Variants in PRKCA observed in about 807,000 individuals in gnomAD.
The protein encoded by PRKCA is protein kinase C alpha, also known as protein kinase C alpha type.
Under a neutral mutation model 87.0 loss-of-function variants are expected in PRKCA, and 27 were observed. That is an observed-to-expected ratio of 0.31 (90% CI 0.23 to 0.43). The LOEUF is 0.43. Ranked by LOEUF, PRKCA falls within the 20% of genes least tolerant of loss-of-function variation. The pLI is 1.00. For missense variants in PRKCA, 518 were observed against 852.3 expected (o/e 0.61, Z 4.88); for synonymous variants, 329 against 311.1 (o/e 1.06, Z -0.61).
chr17:66,652,615 A>G (rs1971617450), intron 5 of PRKCA, among the ~76,000 whole-genome samples: 2 of 152,160 alleles, frequency 1.3e-5, no homozygotes, highest in South Asian at 4.1e-4. Context: ...AGGCAAGAGC[A>G]CCTGTGGCGG....
chr17:66,452,549 G>A (rs923727947), intron 2 of PRKCA, among the ~76,000 whole-genome samples: 11 of 152,164 alleles, frequency 7.2e-5, no homozygotes, highest in Non-Finnish European at 1.6e-4. Context: ...GAGTGTTTTT[G>A]TTGCCTGATA....
chr17:66,635,710 AAAC>A (rs1310826630), intron 3 of PRKCA, among the ~76,000 whole-genome samples: 1 of 152,240 alleles, frequency 6.6e-6, no homozygotes, highest in Non-Finnish European at 1.5e-5. Context: ...CCTATTCAGT[AAAC>A]AGTATATTTA....
rs1056570194 is a variant in PRKCA, at chr17:66,792,160, C to T, written c.1854+3181C>T. Among the ~76,000 whole-genome samples, 3 of 152,098 alleles carry T rather than the reference C, an allele frequency of 2.0e-5. No homozygotes were observed. Among genetic ancestry groups the T allele is most frequent in the Admixed American group, 6.5e-5 (1 of 15,268 alleles). On this transcript the variant is annotated intron_variant, in intron 16 of 16. Coordinates refer to ENST00000413366, the MANE Select transcript of PRKCA (RefSeq NM_002737.3). The surrounding 1 kb of genome is among the most constrained non-coding windows in gnomAD (Gnocchi z 4.5). ...GTCTGCCTGATGGTTTTTTAGCAAGCGCTGGTGAGTCAGTTTCCCTGAGAC... is the reference window on the plus strand; with the variant it reads ...GTCTGCCTGATGGTTTTTTAGCAAGTGCTGGTGAGTCAGTTTCCCTGAGAC...
intron 2 of PRKCA, among the ~76,000 whole-genome samples, chr17:66,472,164 A>G (rs1598701344): frequency 1.3e-5 from 2 of 152,116 alleles, no homozygotes; most frequent in African/African-American, 2.4e-5. Flanking sequence ...AAGTCTTGCT[A>G]TGTTGCCCAG....
chr17:66,433,694 G>A lies in PRKCA; in HGVS notation c.206-62507G>A, dbSNP rs181751963. ...CGAGTAGCTGGGACTACAGGCACCCGTCACCACGCCCTGCCCATTTTTTAT... is the reference window on the plus strand; with the variant it reads ...CGAGTAGCTGGGACTACAGGCACCCATCACCACGCCCTGCCCATTTTTTAT... On this transcript the variant is annotated intron_variant, in intron 2 of 16. Transcript: ENST00000413366. Among the ~76,000 whole-genome samples, 424 of 152,204 alleles carry A rather than the reference G, an allele frequency of 2.8e-3. 2 individuals are homozygous for A. Among genetic ancestry groups the A allele is most frequent in the Non-Finnish European group, 4.7e-3 (322 of 68,000 alleles).
intron 3 of PRKCA, among the ~76,000 whole-genome samples, chr17:66,596,276 A>G (rs1248465131): frequency 1.3e-5 from 2 of 152,218 alleles, no homozygotes; most frequent in African/African-American, 2.4e-5. Context: ...TTGGAGCCCA[A>G]TAAAAGCAAG....
intron 3 of PRKCA, among the ~76,000 whole-genome samples, chr17:66,505,118 G>A (rs2144146013): frequency 6.6e-6 from 1 of 152,324 alleles, no homozygotes; most frequent in East Asian, 1.9e-4. Context: ...GCTCTTCAGT[G>A]GGTGGATTAT....
chr17:66,518,481 A>T (rs1320371900), intron 3 of PRKCA, among the ~76,000 whole-genome samples: 1 of 152,174 alleles, frequency 6.6e-6, no homozygotes, highest in East Asian at 1.9e-4. Flanking sequence ...CTTTTAAATA[A>T]GTATAGTTTA....
At chr17:66,503,624 G>A (rs896599437) in intron 3 of PRKCA, among the ~76,000 whole-genome samples, 9 of 152,140 alleles carry the variant, frequency 5.9e-5, no homozygotes, top group African/African-American at 1.9e-4. Flanking sequence ...ACTGGACTCC[G>A]TGGAGGACTA....
chr17:66,493,909 T>C (rs1324475332), intron 2 of PRKCA, among the ~76,000 whole-genome samples: 1 of 152,260 alleles, frequency 6.6e-6, no homozygotes, highest in East Asian at 1.9e-4. Context: ...AGGCTTCTAA[T>C]GAGGCATTAT....
chr17:66,525,802 A>G (rs1450833339), intron 3 of PRKCA, among the ~76,000 whole-genome samples: 1 of 152,178 alleles, frequency 6.6e-6, no homozygotes, highest in Non-Finnish European at 1.5e-5. Flanking sequence ...TTAAACAGAA[A>G]CATGTCAGGG....
At chr17:66,771,712 C>T (rs1048770625) in intron 13 of PRKCA, among the ~76,000 whole-genome samples, 1 of 152,164 alleles carries the variant, frequency 6.6e-6, no homozygotes, top group African/African-American at 2.4e-5. Context: ...TCTCCTACCT[C>T]AGCCTCCCAA....
At chr17:66,789,896 C>T (rs1204633207) in intron 16 of PRKCA, among the ~76,000 whole-genome samples, 1 of 152,214 alleles carries the variant, frequency 6.6e-6, no homozygotes, top group African/African-American at 2.4e-5. Flanking sequence ...CCTGCTCACT[C>T]ACCACCTGCC....
Position 66,339,564 on chromosome 17 carries a change from G to A in PRKCA, c.205+33437G>A, listed in dbSNP as rs538264067. ...AAACTGCTCCTATAAAGCAAGTTTA[G>A]TTTTTATTCTGTTCATTTTAGATCC... On this transcript the variant is annotated intron_variant, in intron 2 of 16. Transcript: ENST00000413366. 9.3e-4 allele frequency among the ~76,000 whole-genome samples: 141 copies of A among 152,248 alleles called. 1 individual carries two copies. In the Middle Eastern group the frequency reaches 0.01, roughly 11 times the overall value.
At chr17:66,327,611 A>T (rs1177848202) in intron 2 of PRKCA, among the ~76,000 whole-genome samples, 1 of 152,156 alleles carries the variant, frequency 6.6e-6, no homozygotes, top group Non-Finnish European at 1.5e-5. Context: ...TCAACTCTGT[A>T]AACTTCATGT....
intron 2 of PRKCA, among the ~76,000 whole-genome samples, chr17:66,373,409 G>A (rs1334747522): frequency 6.6e-6 from 1 of 152,154 alleles, no homozygotes; most frequent in African/African-American, 2.4e-5. Context: ...GCCTGTAAAT[G>A]TTCCCCAAAA....
At chr17:66,505,995 T>C (rs537550496) in intron 3 of PRKCA, among the ~76,000 whole-genome samples, 1 of 152,184 alleles carries the variant, frequency 6.6e-6, no homozygotes, top group Non-Finnish European at 1.5e-5. Flanking sequence ...TTTGGTTTTT[T>C]AAAAATTATT....
At chr17:66,778,721 A>C (rs546761934) in intron 14 of PRKCA, among the ~76,000 whole-genome samples, 1 of 151,498 alleles carries the variant, frequency 6.6e-6, no homozygotes, top group East Asian at 2.0e-4. Context: ...AGTGCCTGTC[A>C]TCCCAGCTAC....
At chr17:66,742,253 G>A (rs140314394) in intron 12 of PRKCA, among the ~76,000 whole-genome samples, 15 of 152,324 alleles carry the variant, frequency 9.8e-5, no homozygotes, top group Non-Finnish European at 1.5e-4. Flanking sequence ...TTCTAAACCC[G>A]TGATTTTGCA....
Sources: allele counts gnomAD v4.1 joint callset (sites outside exome capture counted in the v4.1 genomes callset), GRCh38; gene constraint gnomAD v4.1.1; non-coding constraint Gnocchi (gnomAD v3.1); transcripts MANE v1.5; gene names NCBI Gene and HGNC (gene_info 2026-07-23, HGNC 2026-07-21).